Variants in PCDHA11 observed in about 807,000 individuals in gnomAD.
The protein encoded by PCDHA11 is protocadherin alpha 11.
Under a neutral mutation model 70.3 loss-of-function variants are expected in PCDHA11, and 61 were observed. The ratio of observed to expected loss-of-function variants is 0.87; its 90% CI spans 0.71 to 1.07. The LOEUF (loss-of-function observed/expected upper bound fraction) is 1.07, where lower values mean the gene tolerates loss of function less well. Among genes scored for constraint, PCDHA11 ranks in the 50% least tolerant of loss-of-function variants. PCDHA11 has a pLI of 0.00. For missense variants in PCDHA11, 1,324 were observed against 1,237.5 expected (o/e 1.07, Z -1.05); for synonymous variants, 633 against 555.1 (o/e 1.14, Z -1.97).
At position 140,869,302 on chromosome 5, in the gene PCDHA11, G is replaced by A; in HGVS notation, c.199G>A (p.Ala67Thr). The A allele has an allele frequency of 3.1e-6, 5 of 1,613,642 alleles. No homozygotes were observed. The highest frequency in any genetic ancestry group is 4.2e-6 in the Non-Finnish European group (5 of 1,179,984). Reference sequence around the variant, plus strand: ...GCTGGTGCAGCGCCTGTTCCGGGTGGCGTCCAAAACACATGGGGACCTTCT... The same window carrying A: ...GCTGGTGCAGCGCCTGTTCCGGGTGACGTCCAAAACACATGGGGACCTTCT... ...AELVQRLFRVASKTHGDLLEV... is the reference protein window; with the variant it reads ...AELVQRLFRVTSKTHGDLLEV... Residue 67 changes from alanine to threonine, a missense_variant, in exon 1 of 4, where the codon GCG becomes ACG. By Grantham distance (58) the Ala-to-Thr change is moderately conservative. Transcript: ENST00000398640.
intron 1 of PCDHA11, among the ~76,000 whole-genome samples, chr5:140,893,588 A>G (rs2064072698): frequency 6.6e-6 from 1 of 152,212 alleles, no homozygotes; most frequent in South Asian, 2.1e-4. Flanking sequence ...TTGTTTGGGA[A>G]ATACTTTATT....
chr5:140,927,402 C>G, intron 1 of PCDHA11: 1 of 1,614,128 alleles, frequency 6.2e-7, no homozygotes, highest in Non-Finnish European at 8.5e-7. Context: ...AGCACTTTCG[C>G]CTGGACATGG....
chr5:140,952,041 T>C (rs1202542852), intron 1 of PCDHA11, among the ~76,000 whole-genome samples: 1 of 152,108 alleles, frequency 6.6e-6, no homozygotes, highest in African/African-American at 2.4e-5. Flanking sequence ...AGTAGGGCAG[T>C]TATTAAATCT....
At chr5:140,883,628 G>A (rs903824034) in intron 1 of PCDHA11, 1 of 1,613,884 alleles carries the variant, frequency 6.2e-7, no homozygotes, top group Admixed American at 1.7e-5. Context: ...CAACGCGCCG[G>A]CGTTCGCGCA....
intron 1 of PCDHA11, among the ~76,000 whole-genome samples, chr5:140,964,713 A>C (rs2095850699): frequency 6.6e-6 from 1 of 152,070 alleles, no homozygotes; most frequent in South Asian, 2.1e-4. Flanking sequence ...TCCGAGATCA[A>C]ATTACCACAG....
At chr5:140,905,234 C>T (rs1303215169) in intron 1 of PCDHA11, among the ~76,000 whole-genome samples, 1 of 152,144 alleles carries the variant, frequency 6.6e-6, no homozygotes, top group African/African-American at 2.4e-5. Flanking sequence ...GATGAGGATC[C>T]AGTTTCATTC....
chr5:140,959,301 G>A (rs139206577), intron 1 of PCDHA11, among the ~76,000 whole-genome samples: 161 of 152,140 alleles, frequency 1.1e-3, no homozygotes, highest in Non-Finnish European at 1.1e-3. Context: ...CACTGAGCCC[G>A]GTGGTTGAAG....
intron 1 of PCDHA11, chr5:140,968,774 C>T (rs2096269643): frequency 6.2e-7 from 1 of 1,614,088 alleles, no homozygotes. Flanking sequence ...AGAGCCATCA[C>T]TATCAGCCTC....
At chr5:140,896,430 T>C (rs543866183) in intron 1 of PCDHA11, among the ~76,000 whole-genome samples, 41 of 152,158 alleles carry the variant, frequency 2.7e-4, no homozygotes, top group Non-Finnish European at 4.4e-4. Context: ...CCATTCTGAC[T>C]GGTGTGACTG....
chr5:140,909,496 G>C (rs1554193832), intron 1 of PCDHA11, among the ~76,000 whole-genome samples: 1 of 152,168 alleles, frequency 6.6e-6, no homozygotes, highest in African/African-American at 2.4e-5. Context: ...GCTGAACGGG[G>C]ATGTGGTGGG....
intron 3 of PCDHA11, among the ~76,000 whole-genome samples, chr5:140,988,486 T>C (rs2153874124): frequency 6.6e-6 from 1 of 152,286 alleles, no homozygotes; most frequent in South Asian, 2.1e-4. Context: ...TAGCATCCCC[T>C]ACCTAGGAGA....
Position 140,869,828 on chromosome 5 carries a change from T to G in PCDHA11, c.725T>G (p.Phe242Cys). Residue 242 changes from phenylalanine to cysteine, a missense_variant, in exon 1 of 4, where the codon TTT (phenylalanine) becomes TGT (cysteine). By Grantham distance (205) the Phe-to-Cys change is radical. Coordinates refer to ENST00000398640, the MANE Select transcript of PCDHA11 (RefSeq NM_018902.5). ...VLDVNDNDPE[F>C]DKSEYKVSLM... ...GATGTCAACGACAATGATCCAGAGT[T>G]TGATAAATCAGAATATAAGGTGAGC... 2 of 1,611,962 alleles carry G rather than the reference T, an allele frequency of 1.2e-6. No individual in the cohort carries two copies. The highest frequency in any genetic ancestry group is 2.2e-5 in the South Asian group (2 of 90,858).
At chr5:140,997,251 G>T (rs1217959179) in intron 3 of PCDHA11, among the ~76,000 whole-genome samples, 2 of 152,060 alleles carry the variant, frequency 1.3e-5, no homozygotes, top group Non-Finnish European at 2.9e-5. Context: ...TTACTTTAGG[G>T]TTCACTCTTC....
chr5:140,927,731 T>G lies in PCDHA11; in HGVS notation c.2392-51218T>G, dbSNP rs781789205. 19 of 1,614,078 alleles carry G rather than the reference T, an allele frequency of 1.2e-5. No individual in the cohort carries two copies. The highest frequency in any genetic ancestry group is 1.4e-5 in the Non-Finnish European group (17 of 1,180,038). ...CTAAGCAACAGCACGCAAGCAGAGC[T>G]GCGACACCGCTTTCACGTGCACCCT... On this transcript the variant is annotated intron_variant, in intron 1 of 3. Transcript: ENST00000398640.
chr5:140,942,608 T>G (rs1221656316), intron 1 of PCDHA11, among the ~76,000 whole-genome samples: 3 of 114,466 alleles, frequency 2.6e-5, no homozygotes, highest in Non-Finnish European at 5.4e-5. Context: ...AGTGTTTATA[T>G]TTGCCAATTG....
intron 1 of PCDHA11, among the ~76,000 whole-genome samples, chr5:140,890,919 G>A (rs181566078): frequency 3.0e-4 from 46 of 152,178 alleles, no homozygotes; most frequent in Admixed American, 9.2e-4. Flanking sequence ...TAATTTGAGA[G>A]TTTCCTTTAG....
chr5:140,884,048 G>A (rs2059957630), intron 1 of PCDHA11: 1 of 1,613,500 alleles, frequency 6.2e-7, no homozygotes, highest in African/African-American at 1.3e-5. Flanking sequence ...GGTGGCGAAG[G>A]TGCGCGCGGT....
chr5:140,927,601 G>C lies in PCDHA11; in HGVS notation c.2392-51348G>C, dbSNP rs1490799029. 27 of 1,614,082 alleles carry C rather than the reference G, an allele frequency of 1.7e-5. No individual in the cohort carries two copies. Among genetic ancestry groups the C allele is most frequent in the Non-Finnish European group, 2.3e-5 (27 of 1,180,040 alleles). Reference sequence around the variant, plus strand: ...CAACGCGCCTGTATTTGAGCGCTCCGTATACCGCACCAAGGTTCCAGAGAC... The same window carrying C: ...CAACGCGCCTGTATTTGAGCGCTCCCTATACCGCACCAAGGTTCCAGAGAC... On this transcript the variant is annotated intron_variant, in intron 1 of 3. Transcript: ENST00000398640.
At position 140,924,761 on chromosome 5, in the gene PCDHA11, G is replaced by T. The variant is rs979984304; in HGVS notation, c.2391+53267G>T. On this transcript the variant is annotated intron_variant, in intron 1 of 3. Coordinates refer to ENST00000398640, the MANE Select transcript of PCDHA11 (RefSeq NM_018902.5). Reference sequence around the variant, plus strand: ...AATACAAAAATTAACCGAGCATGGTGGTGCGCGCTTGTAGTCCTAGCTACT... The same window carrying T: ...AATACAAAAATTAACCGAGCATGGTTGTGCGCGCTTGTAGTCCTAGCTACT... Among the ~76,000 whole-genome samples the T allele has an allele frequency of 5.3e-5, 8 of 151,864 alleles. No individual in the cohort carries two copies. The East Asian group carries it at 1.5e-3, about 29-fold the overall frequency.
Sources: gnomAD v4.1 joint callset for allele counts (sites outside exome capture counted in the v4.1 genomes callset) on GRCh38, gnomAD v4.1.1 for gene constraint, MANE v1.5 for transcripts, NCBI Gene and HGNC (gene_info 2026-07-23, HGNC 2026-07-21) for gene names.